TENM2: variants seen among roughly 807,000 people sequenced by gnomAD.
TENM2 encodes teneurin transmembrane protein 2.
In TENM2, 52 loss-of-function variants were observed where a neutral mutation model predicts 245.2. That is an observed-to-expected ratio of 0.21 (90% CI 0.17 to 0.27). TENM2 has a LOEUF of 0.27. Among genes scored for constraint, TENM2 ranks in the 10% least tolerant of loss-of-function variants. TENM2 has a pLI of 1.00. For synonymous variants in TENM2, 1,363 were observed against 1,438.9 expected (o/e 0.95, Z 1.19); for missense variants, 3,046 against 3,666.8 (o/e 0.83, Z 4.37).
chr5:167,598,960 C>T (rs948815714), intron 2 of TENM2, among the ~76,000 whole-genome samples: 1 of 152,120 alleles, frequency 6.6e-6, no homozygotes, highest in Admixed American at 6.5e-5. Flanking sequence ...CTAGCAAAGC[C>T]TCAAAGATTA....
intron 12 of TENM2, among the ~76,000 whole-genome samples, chr5:168,144,487 A>G (rs2152409206): frequency 6.6e-6 from 1 of 152,138 alleles, no homozygotes; most frequent in Middle Eastern, 3.4e-3. Flanking sequence ...AATTTCATCC[A>G]TGTCCCTACA....
At chr5:167,729,413 A>G (rs950506680) in intron 2 of TENM2, among the ~76,000 whole-genome samples, 2 of 152,212 alleles carry the variant, frequency 1.3e-5, no homozygotes, top group Non-Finnish European at 2.9e-5. Flanking sequence ...TTAAAATAAC[A>G]ATATAAAATT....
At chr5:167,289,001 A>G (rs776019954) in intron 1 of TENM2, among the ~76,000 whole-genome samples, 1 of 152,200 alleles carries the variant, frequency 6.6e-6, no homozygotes, top group East Asian at 1.9e-4. Flanking sequence ...TTGATTGAAC[A>G]TATAATGTTC....
At chr5:167,964,250 G>A (rs1319222652) in intron 4 of TENM2, among the ~76,000 whole-genome samples, 1 of 152,200 alleles carries the variant, frequency 6.6e-6, no homozygotes, top group Admixed American at 6.5e-5. Context: ...GTAGAAAGTA[G>A]CTCAGTGACA....
chr5:167,228,595 T>C, the TENM2 span, among the ~76,000 whole-genome samples: 2 of 151,936 alleles, frequency 1.3e-5, no homozygotes, highest in African/African-American at 4.8e-5. Flanking sequence ...TTCTGATCTG[T>C]TGCTGGAGAA....
At chr5:167,499,971 GGTGT>G (rs150798009) in intron 2 of TENM2, among the ~76,000 whole-genome samples, 12 of 121,006 alleles carry the variant, frequency 9.9e-5, no homozygotes, top group Admixed American at 6.7e-4. Context: ...TGTATGTGAG[GGTGT>G]GTGTGTGTAT....
the TENM2 span, among the ~76,000 whole-genome samples, chr5:167,114,578 A>G: frequency 7.2e-5 from 11 of 152,230 alleles, no homozygotes; most frequent in Non-Finnish European, 1.5e-4. Context: ...AGAATTTTTC[A>G]TGAAAAAAGT....
chr5:167,756,595 C>T (rs2150680044), intron 2 of TENM2, among the ~76,000 whole-genome samples: 1 of 152,284 alleles, frequency 6.6e-6, no homozygotes, highest in Admixed American at 6.5e-5. Context: ...CCCCACACTT[C>T]AATTATCTCA....
In TENM2 at chr5:167,981,695, C is replaced by A. The variant is rs577985535; in HGVS notation, c.948-11249C>A. ...TTCGTACTTGGTCTAAAATCCAGATCCCCTTGGCCAGGCATGGTGGCTCAT... is the reference window on the plus strand; with the variant it reads ...TTCGTACTTGGTCTAAAATCCAGATACCCTTGGCCAGGCATGGTGGCTCAT... On this transcript the variant is annotated intron_variant, in intron 4 of 28. Coordinates refer to ENST00000518659, the Ensembl canonical transcript of TENM2. 2.0e-5 allele frequency among the ~76,000 whole-genome samples: 3 copies of A among 152,282 alleles called. No individual in the cohort carries two copies. The South Asian group carries it at 6.2e-4, about 32-fold the overall frequency.
chr5:167,683,591 A>G (rs115562189), intron 2 of TENM2, among the ~76,000 whole-genome samples: 30 of 152,294 alleles, frequency 2.0e-4, no homozygotes, highest in African/African-American at 6.7e-4. Context: ...TAACATTGCC[A>G]TTTTCTCCAT....
At chr5:168,169,345 C>T (rs1004725767) in intron 13 of TENM2, among the ~76,000 whole-genome samples, 3 of 152,202 alleles carry the variant, frequency 2.0e-5, no homozygotes, top group Non-Finnish European at 4.4e-5. Flanking sequence ...TCCCACCCTA[C>T]CTCCATCTGC....
chr5:167,772,023 T>G (rs1763435983), intron 2 of TENM2, among the ~76,000 whole-genome samples: 1 of 152,160 alleles, frequency 6.6e-6, no homozygotes, highest in Non-Finnish European at 1.5e-5. Flanking sequence ...TGATCTTACC[T>G]TGCAACTCCA....
chr5:167,495,969 C>T (rs1005309866), intron 2 of TENM2, among the ~76,000 whole-genome samples: 1 of 152,004 alleles, frequency 6.6e-6, no homozygotes, highest in African/African-American at 2.4e-5. Flanking sequence ...ATTACAGATT[C>T]TCTCATGCTT....
At chr5:167,648,851 T>C (rs192757792) in intron 2 of TENM2, among the ~76,000 whole-genome samples, 1 of 152,348 alleles carries the variant, frequency 6.6e-6, no homozygotes, top group Admixed American at 6.5e-5. Context: ...GCCTGTACTT[T>C]GTTCTGAGGA....
chr5:167,178,531 G>A, the TENM2 span, among the ~76,000 whole-genome samples: 2 of 152,054 alleles, frequency 1.3e-5, no homozygotes, highest in Non-Finnish European at 2.9e-5. Flanking sequence ...AATGTCCTGC[G>A]GAGCCTCACC....
At chr5:167,133,582 G>C in the TENM2 span, among the ~76,000 whole-genome samples, 7 of 146,086 alleles carry the variant, frequency 4.8e-5, no homozygotes, top group East Asian at 1.4e-3. Flanking sequence ...TAGTAAACTT[G>C]TAGGCGGGTG....
chr5:167,926,759 CACACAA>C (rs1241276306), intron 3 of TENM2, among the ~76,000 whole-genome samples: 58 of 147,184 alleles, frequency 3.9e-4, no homozygotes, highest in African/African-American at 1.5e-3. Context: ...CACACACACA[CACACAA>C]GACCTTAGTG....
the TENM2 span, among the ~76,000 whole-genome samples, chr5:167,102,868 C>G: frequency 6.6e-6 from 1 of 152,264 alleles, no homozygotes; most frequent in East Asian, 1.9e-4. Flanking sequence ...GCATGTTGGC[C>G]AGGCTGGCCT....
chr5:167,853,289 C>CAAAAAAAAAAAAAAAAAAAAAAAAAAAAA (rs777170514), intron 2 of TENM2, among the ~76,000 whole-genome samples: 13 of 24,616 alleles, frequency 5.3e-4, no homozygotes, highest in Non-Finnish European at 7.4e-4. Context: ...GACTCCGTCT[C>CAAAAAAAAAAAAAAAAAAAAAAAAAAAAA]AAAAAAAAAA....
Sources: allele counts gnomAD v4.1 joint callset (sites outside exome capture counted in the v4.1 genomes callset), GRCh38; gene constraint gnomAD v4.1.1; transcripts MANE v1.5; gene names NCBI Gene and HGNC (gene_info 2026-07-23, HGNC 2026-07-21).